The following EFEMP2 variants were observed in gnomAD, a reference collection of about 807,000 sequenced individuals.
The protein encoded by EFEMP2 is EGF-containing fibulin-like extracellular matrix protein 2.
Under a neutral mutation model 55.3 loss-of-function variants are expected in EFEMP2, and 21 were observed. The observed-to-expected ratio is 0.38, with a 90% CI of 0.27 to 0.55. The LOEUF (loss-of-function observed/expected upper bound fraction) is 0.55. Among genes scored for constraint, EFEMP2 ranks in the 20% least tolerant of loss-of-function variants. The pLI is 0.77. For synonymous variants in EFEMP2, 275 were observed against 242.3 expected, an observed-to-expected ratio of 1.14 and a Z score of -1.25; for missense variants, 513 against 615.1, an observed-to-expected ratio of 0.83 and a Z score of 1.76.
Position 65,870,187 on chromosome 11 carries a change from G to A in EFEMP2, c.541C>T (p.Pro181Ser), listed in dbSNP as rs1351534292. 2 of 1,613,830 alleles carry A rather than the reference G, an allele frequency of 1.2e-6. No homozygotes were observed. The highest frequency in any genetic ancestry group is 1.7e-6 in the Non-Finnish European group (2 of 1,180,020). Reference protein sequence around the residue: ...RYCQHRCVNLPGSFRCQCEPG... With the variant: ...RYCQHRCVNLSGSFRCQCEPG... ...TCGCACTGGCAGCGGAAGGAGCCAG[G>A]CAGGTTCACGCAGCGGTGCTGGCAG... Residue 181 changes from proline to serine, a missense_variant, in exon 6 of 11, where the codon CCT becomes TCT. By Grantham distance (74) the Pro-to-Ser change is moderately conservative. Transcript: ENST00000307998.
intron 2 of EFEMP2, 56 bp downstream of exon 2, chr11:65,872,188 C>T (rs1339631680): frequency 1.6e-5 from 25 of 1,516,234 alleles, no homozygotes; most frequent in East Asian, 9.8e-5. Flanking sequence ...CCCTGGGTCC[C>T]GGTCTCTTCC....
intron 3 of EFEMP2, 44 bp downstream of exon 3, chr11:65,871,926 C>T (rs534964859): frequency 3.9e-6 from 6 of 1,550,998 alleles, no homozygotes; most frequent in Middle Eastern, 3.3e-4. Flanking sequence ...CTATCAATCC[C>T]TTTCCGGGTT....
rs2234465 is a variant in EFEMP2, at chr11:65,870,015, G to A, written c.608-39C>T. On this transcript the variant is annotated intron_variant, in intron 6 of 10. Coordinates refer to ENST00000307998, the MANE Select transcript of EFEMP2 (RefSeq NM_016938.5). ...GAAAAACAGGAGGGATGAAAGCGGA[G>A]GAGGAGCCCAGAGCCTCCACTCTAC... The A allele has an allele frequency of 2.9e-4, 475 of 1,613,016 alleles. 4 individuals are homozygous for A. In the African/African-American group the frequency reaches 5.5e-3, roughly 19 times the overall value.
In EFEMP2 at chr11:65,867,929, C is replaced by T. The variant is rs775241517; in HGVS notation, c.1102G>A (p.Val368Ile). 16 of 1,614,120 alleles carry T rather than the reference C, an allele frequency of 9.9e-6. No homozygotes were observed. Among genetic ancestry groups the T allele is most frequent in the Non-Finnish European group, 1.3e-5 (15 of 1,180,026 alleles). Residue 368 changes from valine (V) to isoleucine (I), a missense_variant, in exon 10 of 11, where the codon GTC becomes ATC. By Grantham distance (29) the Val-to-Ile change is conservative. Coordinates refer to ENST00000307998, the MANE Select transcript of EFEMP2 (RefSeq NM_016938.5). ...ADVFQIQATSVYPGAYNAFQI... is the reference protein window; with the variant it reads ...ADVFQIQATSIYPGAYNAFQI... Reference sequence around the variant, plus strand: ...AAGGCATTGTAGGCACCGGGGTAGACGGAGGTCGCCTGGATCTGGAACACG... The same window carrying T: ...AAGGCATTGTAGGCACCGGGGTAGATGGAGGTCGCCTGGATCTGGAACACG...
chr11:65,867,718 C>G, intron 10 of EFEMP2, 143 bp downstream of exon 10: 1 of 846,266 alleles, frequency 1.2e-6, no homozygotes, highest in South Asian at 1.4e-5. Context: ...AGAGTACCCC[C>G]GTCTTCCTGC....
At chr11:65,870,003 G>A (rs750625250) in intron 6 of EFEMP2, 27 bp from the exon 7 acceptor site, 9 of 1,613,528 alleles carry the variant, frequency 5.6e-6, no homozygotes, top group Non-Finnish European at 7.6e-6. Flanking sequence ...AAACAGGAGG[G>A]ATGAAAGCGG....
intron 10 of EFEMP2, 158 bp from the exon 11 acceptor site, chr11:65,867,237 T>G: frequency 3.8e-6 from 3 of 779,286 alleles, no homozygotes; most frequent in East Asian, 5.4e-5. Flanking sequence ...ACACCCTCGA[T>G]GTCTCTCCTC....
At chr11:65,870,823 G>A in intron 4 of EFEMP2, 165 bp from the exon 5 acceptor site, 1 of 970,362 alleles carries the variant, frequency 1.0e-6, no homozygotes, top group Non-Finnish European at 1.6e-6. Context: ...CATGTTGGGG[G>A]TTGCACAGGA....
rs548693216 is a variant in EFEMP2 at position 65,866,758 on chromosome 11, C to G, written c.*160G>C. ...ATTTAGGTGAACTTGGCCTGCCCCC[C>G]CAAGTGCCACCCTGCCCCAGCCTGA... On this transcript the variant is annotated 3_prime_UTR_variant, in exon 11 of 11. Transcript: ENST00000307998. The G allele has an allele frequency of 1.9e-5, 18 of 963,536 alleles. No individual in the cohort carries two copies. Among genetic ancestry groups the G allele is most frequent in the Admixed American group, 8.0e-5 (4 of 50,300 alleles). The allele number at this position is 963,536 out of a possible 1,614,324, so 59.7% of individuals were successfully genotyped here. A position where few individuals can be genotyped will look rare whatever the true frequency, so the allele number is the denominator to read the frequency against.
At chr11:65,871,123 C>CT in intron 4 of EFEMP2, 34 bp downstream of exon 4, 1 of 1,612,640 alleles carries the variant, frequency 6.2e-7, no homozygotes, top group Non-Finnish European at 8.5e-7. Flanking sequence ...GGTGAGAGGA[C>CT]TGGAAGCCAG....
chr11:65,867,034 TCAC>T lies in EFEMP2; in HGVS notation c.1213_1215del (p.Val405del). The T allele has an allele frequency of 6.2e-7, 1 of 1,614,110 alleles. No individual in the cohort carries two copies. Among genetic ancestry groups the T allele is most frequent in the Non-Finnish European group, 8.5e-7 (1 of 1,180,018 alleles). ...TCCAGCACGTACTCCCGGGGGCCCG[TCAC>T]CGGCCGGGCGAGGACCAGCATGGCG... On this transcript the variant is annotated inframe_deletion, in exon 11 of 11. Coordinates refer to ENST00000307998, the MANE Select transcript of EFEMP2 (RefSeq NM_016938.5).
rs778103783 is a variant in EFEMP2 at position 65,869,850 on chromosome 11, C to T, written c.727+7G>A. The T allele has an allele frequency of 3.1e-6, 5 of 1,613,828 alleles. No homozygotes were observed. Among genetic ancestry groups the T allele is most frequent in the East Asian group, 2.2e-5 (1 of 44,880 alleles). On this transcript the variant is annotated splice_region_variant and intron_variant, in intron 7 of 10. Transcript: ENST00000307998. ...AGAGGAGTACACAGCAGGGATGGAG[C>T]TCTCACCACTGCAGGAGAAGCCATC...
Position 65,871,977 on chromosome 11 carries a change from G to T in EFEMP2, c.153C>A (p.His51Gln). Residue 51 changes from histidine to glutamine, a missense_variant, in exon 3 of 11, where the codon CAC becomes CAA. Transcript: ENST00000307998. ...DGYEWDPDSQ[H>Q]CRDVNECLTI... Reference sequence around the variant, plus strand: ...TCCCCCAGGCACACACACCCCGGCAGTGCTGGCTGTCTGGGTCCCACTCAT... The same window carrying T: ...TCCCCCAGGCACACACACCCCGGCATTGCTGGCTGTCTGGGTCCCACTCAT... 6.4e-7 allele frequency: 1 copy of T among 1,551,614 alleles called. No homozygotes were observed. The highest frequency in any genetic ancestry group is 8.7e-7 in the Non-Finnish European group (1 of 1,146,954).
At chr11:65,872,189 G>A (rs754772687) in intron 2 of EFEMP2, 55 bp downstream of exon 2, 24 of 1,518,940 alleles carry the variant, frequency 1.6e-5, no homozygotes, top group South Asian at 2.4e-5. Context: ...CCTGGGTCCC[G>A]GTCTCTTCCT....
At chr11:65,871,044 G>A (rs1859955708) in intron 4 of EFEMP2, 113 bp downstream of exon 4, 1 of 1,257,188 alleles carries the variant, frequency 8.0e-7, no homozygotes, top group Non-Finnish European at 1.1e-6. Context: ...GTGTCTGGAT[G>A]AGGGTGTGGA....
chr11:65,868,903 GATCTAGGGGA>G (rs1269484513), intron 7 of EFEMP2: 7 of 472,458 alleles, frequency 1.5e-5, no homozygotes, highest in Admixed American at 3.4e-5. Context: ...CCCACCAGCT[GATCTAGGGGA>G]ATCTCATTTT....
At chr11:65,869,695 G>A in intron 7 of EFEMP2, 162 bp downstream of exon 7, 1 of 1,057,886 alleles carries the variant, frequency 9.5e-7, no homozygotes, top group South Asian at 1.3e-5. Flanking sequence ...CCACTAGCCT[G>A]GGAGTGCTCC....
chr11:65,870,757 G>GT (rs1859951922), intron 4 of EFEMP2, 99 bp from the exon 5 acceptor site: 5 of 1,574,446 alleles, frequency 3.2e-6, no homozygotes, highest in Non-Finnish European at 4.3e-6. Context: ...AACAGCACGC[G>GT]TAAGAGTTCA....
intron 8 of EFEMP2, 22 bp from the exon 9 acceptor site, chr11:65,868,443 G>A: frequency 6.2e-7 from 1 of 1,613,844 alleles, no homozygotes; most frequent in Non-Finnish European, 8.5e-7. Context: ...GAGAGGGGCT[G>A]GAATCGGGGG....
Sources: allele counts gnomAD v4.1 joint callset, GRCh38; gene constraint gnomAD v4.1.1; transcripts MANE v1.5; gene names NCBI Gene and HGNC (gene_info 2026-07-23, HGNC 2026-07-21).